Variants in BMP8A observed in about 807,000 individuals in gnomAD.
The protein encoded by BMP8A is BMP-8A.
Under a neutral mutation model 36.8 loss-of-function variants are expected in BMP8A, and 14 were observed. That is an observed-to-expected ratio of 0.38 (90% CI 0.25 to 0.60). BMP8A has a LOEUF of 0.60. Among genes scored for constraint, BMP8A ranks in the 20% least tolerant of loss-of-function variants. BMP8A has a pLI of 0.63. For missense variants in BMP8A, 267 were observed against 551.1 expected, an observed-to-expected ratio of 0.48 and a Z score of 5.16; for synonymous variants, 120 against 237.7, an observed-to-expected ratio of 0.50 and a Z score of 4.55.
At chr1:39,515,554 A>G in intron 3 of BMP8A, 2 of 1,346,514 alleles carry the variant, frequency 1.5e-6, no homozygotes, top group Non-Finnish European at 2.0e-6. Context: ...TTCCTTTTGG[A>G]GCGCGCCATC....
chr1:39,508,188 T>C (rs1012479321), intron 1 of BMP8A, among the ~76,000 whole-genome samples: 1 of 151,684 alleles, frequency 6.6e-6, no homozygotes, highest in African/African-American at 2.4e-5. Context: ...GAGGCGGAGC[T>C]TGCAGTGAGC....
At chr1:39,498,273 C>G (rs1027450356) in intron 1 of BMP8A, among the ~76,000 whole-genome samples, 1 of 152,242 alleles carries the variant, frequency 6.6e-6, no homozygotes, top group African/African-American at 2.4e-5. Context: ...ACCCAGCCCC[C>G]CTCCTCCTGG....
At position 39,526,909 on chromosome 1, in the gene BMP8A, T is replaced by A. The variant is rs1165638566; in HGVS notation, c.*1111T>A. ...CATGTCAGTAATCAACCTACGTACC[T>A]TTCCCACTGAACCAGGACAGGGCCT... On this transcript the variant is annotated 3_prime_UTR_variant, in exon 7 of 7. Transcript: ENST00000331593. Among the ~76,000 whole-genome samples the A allele has an allele frequency of 6.6e-6, 1 of 152,186 alleles. No individual in the cohort carries two copies. Among genetic ancestry groups the A allele is most frequent in the Admixed American group, 6.5e-5 (1 of 15,282 alleles).
chr1:39,526,868 C>A lies in BMP8A; in HGVS notation c.*1070C>A, dbSNP rs1259508565. Among the ~76,000 whole-genome samples the A allele has an allele frequency of 1.3e-5, 2 of 152,212 alleles. No individual in the cohort carries two copies. Among genetic ancestry groups the A allele is most frequent in the African/African-American group, 4.8e-5 (2 of 41,452 alleles). On this transcript the variant is annotated 3_prime_UTR_variant, in exon 7 of 7. Coordinates refer to ENST00000331593, the MANE Select transcript of BMP8A (RefSeq NM_181809.4). ...AGAGCAAATGCCCCCGCAGCCTGCT[C>A]CCCTTGCCCATGGCTCATGTCAGTA...
intron 3 of BMP8A, among the ~76,000 whole-genome samples, chr1:39,517,011 C>T (rs1388091605): frequency 6.6e-6 from 1 of 151,398 alleles, no homozygotes; most frequent in African/African-American, 2.4e-5. Context: ...TTTTTTGAGG[C>T]AGGGTCTGGC....
At chr1:39,511,041 G>T (rs747082974) in intron 1 of BMP8A, 133 bp from the exon 2 acceptor site, 2 of 1,356,768 alleles carry the variant, frequency 1.5e-6, no homozygotes, top group Non-Finnish European at 2.0e-6. Flanking sequence ...AATGAAGCCG[G>T]CCCCACCCAG....
chr1:39,515,667 G>A, intron 3 of BMP8A: 1 of 1,574,634 alleles, frequency 6.4e-7, no homozygotes, highest in Non-Finnish European at 8.7e-7. Flanking sequence ...GTGCAAAGCT[G>A]CAGACGTCAC....
intron 3 of BMP8A, among the ~76,000 whole-genome samples, chr1:39,517,417 G>A (rs1252336729): frequency 4.0e-5 from 6 of 151,892 alleles, no homozygotes; most frequent in Admixed American, 3.9e-4. Flanking sequence ...CTGGGTTCAA[G>A]CAATTCTCAT....
chr1:39,516,981 C>T (rs1323438051), intron 3 of BMP8A, among the ~76,000 whole-genome samples: 5 of 151,490 alleles, frequency 3.3e-5, no homozygotes, highest in Admixed American at 1.3e-4. Flanking sequence ...TTTCTTTTTC[C>T]TTCTCTTTCT....
chr1:39,525,293 T>C (rs1343908782), intron 6 of BMP8A: 1 of 250,690 alleles, frequency 4.0e-6, no homozygotes, highest in Admixed American at 4.9e-5. Context: ...GGTTCCCCCT[T>C]GGGGACCTCA....
At chr1:39,508,219 G>C (rs1390234873) in intron 1 of BMP8A, among the ~76,000 whole-genome samples, 1 of 150,132 alleles carries the variant, frequency 6.7e-6, no homozygotes, top group African/African-American at 2.5e-5. Flanking sequence ...CCACTGCACT[G>C]CAGCCTGGGA....
At chr1:39,507,220 C>T (rs1645309636) in intron 1 of BMP8A, among the ~76,000 whole-genome samples, 1 of 152,240 alleles carries the variant, frequency 6.6e-6, no homozygotes, top group Non-Finnish European at 1.5e-5. Context: ...GAGCATCTCC[C>T]TCATGGGCCC....
intron 1 of BMP8A, among the ~76,000 whole-genome samples, chr1:39,509,601 A>G (rs1353242521): frequency 6.6e-6 from 1 of 152,030 alleles, no homozygotes; most frequent in African/African-American, 2.4e-5. Context: ...TCCTGCCCAC[A>G]CACGTCTGGC....
Position 39,524,227 on chromosome 1 carries a change from T to A in BMP8A, c.1059+1110T>A, listed in dbSNP as rs1166695348. ...CACAGCTGCATGTGTGGGAGGTACA[T>A]GGGAAGGTGACTGCACCTGCAGCTC... On this transcript the variant is annotated intron_variant, in intron 6 of 6. Transcript: ENST00000331593. This position sits in a 1 kb window ranked among gnomAD's most constrained non-coding sequence, Gnocchi z 4.0. Among the ~76,000 whole-genome samples, 1 of 152,108 alleles carries A rather than the reference T, an allele frequency of 6.6e-6. No individual in the cohort carries two copies. Among genetic ancestry groups the A allele is most frequent in the African/African-American group, 2.4e-5 (1 of 41,426 alleles).
intron 3 of BMP8A, among the ~76,000 whole-genome samples, chr1:39,514,649 C>G (rs1645381267): frequency 6.6e-6 from 1 of 151,992 alleles, no homozygotes; most frequent in Non-Finnish European, 1.5e-5. Context: ...GAGTTTGTGT[C>G]TGAGGCTCCA....
At chr1:39,523,666 C>T in intron 6 of BMP8A, 1 of 1,446,500 alleles carries the variant, frequency 6.9e-7, no homozygotes, top group Non-Finnish European at 9.1e-7. Flanking sequence ...TCTGGATCCC[C>T]TGGCTTTTGA....
rs1307248799 is a variant in BMP8A at position 39,528,722 on chromosome 1, C to T, written c.*2924C>T. Among the ~76,000 whole-genome samples, 1 of 142,108 alleles carries T rather than the reference C, an allele frequency of 7.0e-6. No individual in the cohort carries two copies. Among genetic ancestry groups the T allele is most frequent in the African/African-American group, 2.7e-5 (1 of 37,244 alleles). 93.2% of individuals were successfully genotyped at this position (142,108 alleles called of 152,430 possible). ...GCCTTTTTTTTTTTTTTTTTAAAGA[C>T]ATACATGGTCTTGCTTTGTCGCCCA... On this transcript the variant is annotated 3_prime_UTR_variant, in exon 7 of 7. Transcript: ENST00000331593.
At chr1:39,496,447 C>T (rs1011015581) in intron 1 of BMP8A, among the ~76,000 whole-genome samples, 24 of 151,334 alleles carry the variant, frequency 1.6e-4, no homozygotes, top group African/African-American at 4.9e-4. Flanking sequence ...TGCATCCTGA[C>T]GCCAACACCT....
intron 1 of BMP8A, among the ~76,000 whole-genome samples, chr1:39,503,655 C>T (rs1441447393): frequency 6.6e-6 from 1 of 151,862 alleles, no homozygotes; most frequent in Non-Finnish European, 1.5e-5. Flanking sequence ...GCTGGGACTA[C>T]AGGCACACAC....
Sources: gnomAD v4.1 joint callset for allele counts (sites outside exome capture counted in the v4.1 genomes callset) on GRCh38, gnomAD v4.1.1 for gene constraint, Gnocchi (gnomAD v3.1) non-coding constraint, MANE v1.5 for transcripts, NCBI Gene and HGNC (gene_info 2026-07-23, HGNC 2026-07-21) for gene names.